Variants in ENPP3 observed in about 807,000 individuals in gnomAD.
ENPP3 encodes ectonucleotide pyrophosphatase/phosphodiesterase 3.
Under a neutral mutation model 117.8 loss-of-function variants are expected in ENPP3, and 104 were observed. The observed-to-expected ratio is 0.88, with a 90% CI of 0.75 to 1.04. The LOEUF (loss-of-function observed/expected upper bound fraction) is 1.04. ENPP3 is among the 50% of genes least tolerant of loss of function. ENPP3 has a pLI of 0.00. For missense variants in ENPP3, 1,026 were observed against 1,051.9 expected (o/e 0.98, Z 0.34); for synonymous variants, 380 against 349.9 (o/e 1.09, Z -0.96).
At chr6:131,668,204 G>A (rs988251366) in intron 6 of ENPP3, among the ~76,000 whole-genome samples, 4 of 135,250 alleles carry the variant, frequency 3.0e-5, no homozygotes, top group African/African-American at 1.1e-4. Flanking sequence ...GTCTCGCTCT[G>A]CGTTTTTTTT....
intron 15 of ENPP3, among the ~76,000 whole-genome samples, chr6:131,712,462 T>C (rs1779809792): frequency 1.4e-5 from 2 of 142,222 alleles, no homozygotes; most frequent in South Asian, 2.2e-4. Context: ...CCTAAGAGAA[T>C]TTTTAGAGTC....
At chr6:131,685,290 A>G (rs2114426049) in intron 12 of ENPP3, 74 bp from the exon 13 acceptor site, 2 of 1,273,890 alleles carry the variant, frequency 1.6e-6, no homozygotes, top group Non-Finnish European at 2.2e-6. Flanking sequence ...AATGTCTTCT[A>G]TTTGACAAGA....
At chr6:131,710,198 G>A (rs759787693) in intron 15 of ENPP3, 28 of 1,608,340 alleles carry the variant, frequency 1.7e-5, no homozygotes, top group South Asian at 5.5e-5. Context: ...TTCATCATTG[G>A]CAAGTGTCCA....
At chr6:131,726,677 C>T (rs983440683) in intron 20 of ENPP3, among the ~76,000 whole-genome samples, 1 of 151,406 alleles carries the variant, frequency 6.6e-6, no homozygotes, top group Non-Finnish European at 1.5e-5. Flanking sequence ...TCTGAAGGAT[C>T]TGGCACTCCA....
chr6:131,698,200 A>C (rs1779451980), intron 15 of ENPP3, among the ~76,000 whole-genome samples: 1 of 151,922 alleles, frequency 6.6e-6, no homozygotes, highest in Non-Finnish European at 1.5e-5. Flanking sequence ...GGCTTATTAG[A>C]ACCTACCTGA....
Position 131,724,239 on chromosome 6 carries a change from A to T in ENPP3, c.1798+148A>T, listed in dbSNP as rs574510466. ...ATATACAAAAGGTAAAAAAAAAAAA[A>T]CTCACAACAGATATAATGACAACAG... On this transcript the variant is annotated intron_variant, in intron 19 of 24. Coordinates refer to ENST00000357639, the MANE Select transcript of ENPP3 (RefSeq NM_005021.5). The T allele has an allele frequency of 1.9e-5, 11 of 585,500 alleles. 1 individual carries two copies. The highest frequency in any genetic ancestry group is 2.9e-6 in the Non-Finnish European group (1 of 345,926). The allele number at this position is 585,500 out of a possible 1,614,324, so 36.3% of individuals were successfully genotyped here. A position where few individuals can be genotyped will look rare whatever the true frequency, so the allele number is the denominator to read the frequency against.
chr6:131,643,943 CTGTG>C (rs60828787), intron 2 of ENPP3, among the ~76,000 whole-genome samples: 2,277 of 143,040 alleles, frequency 0.016, 23 homozygotes, highest in Middle Eastern at 0.054. Flanking sequence ...GTGTGTGTGT[CTGTG>C]TGTGTGTGTG....
chr6:131,709,673 G>C (rs2114497482), intron 15 of ENPP3: 1 of 1,613,092 alleles, frequency 6.2e-7, no homozygotes, highest in South Asian at 1.1e-5. Context: ...TGATAAAAAT[G>C]AACAGTTCTC....
intron 6 of ENPP3, among the ~76,000 whole-genome samples, chr6:131,665,837 C>T (rs1778605565): frequency 6.6e-6 from 1 of 151,950 alleles, no homozygotes; most frequent in African/African-American, 2.4e-5. Context: ...GTTCTTCTTT[C>T]TTAATGTAGG....
chr6:131,713,632 T>C (rs1398035288), intron 15 of ENPP3, among the ~76,000 whole-genome samples: 1 of 151,680 alleles, frequency 6.6e-6, no homozygotes, highest in Admixed American at 6.6e-5. Flanking sequence ...TGATCATTAG[T>C]GTGGTTTATT....
intron 23 of ENPP3, among the ~76,000 whole-genome samples, chr6:131,739,495 G>T (rs1052533280): frequency 7.9e-5 from 12 of 152,046 alleles, no homozygotes; most frequent in African/African-American, 2.2e-4. Flanking sequence ...TGGAATCTGG[G>T]CTCCTTCATT....
rs1272209648 is a variant in ENPP3 at position 131,671,318 on chromosome 6, C to T, written c.633C>T (p.Thr211=). 1.3e-6 allele frequency: 2 copies of T among 1,593,270 alleles called. No individual in the cohort carries two copies. The highest frequency in any genetic ancestry group is 1.7e-4 in the Middle Eastern group (1 of 6,050). ...CCAAAACCTTCCCAAATCATTACACCATTGTCACGGTAAGTGCTTGACCCA... is the reference window on the plus strand; with the variant it reads ...CCAAAACCTTCCCAAATCATTACACTATTGTCACGGTAAGTGCTTGACCCA... ...YPTKTFPNHY[T]IVTGLYPESH... Residue 211 remains threonine, a synonymous_variant, in exon 7 of 25, where the codon ACC becomes ACT. Coordinates refer to ENST00000357639, the MANE Select transcript of ENPP3 (RefSeq NM_005021.5).
intron 20 of ENPP3, among the ~76,000 whole-genome samples, chr6:131,732,115 C>T (rs765766426): frequency 7.9e-5 from 12 of 152,176 alleles, no homozygotes; most frequent in Admixed American, 2.0e-4. Flanking sequence ...GCTTTCAGCA[C>T]AATGCAGTGA....
intron 15 of ENPP3, among the ~76,000 whole-genome samples, chr6:131,694,426 C>A (rs756107210): frequency 3.3e-5 from 5 of 152,160 alleles, no homozygotes; most frequent in Admixed American, 1.3e-4. Flanking sequence ...GTATTTCATA[C>A]CAGCACTTTT....
chr6:131,724,600 CTCT>C (rs1353819597), intron 19 of ENPP3, among the ~76,000 whole-genome samples: 41 of 152,198 alleles, frequency 2.7e-4, no homozygotes, highest in African/African-American at 9.7e-4. Flanking sequence ...ATTAAACTCA[CTCT>C]GTTTCAGTTT....
At chr6:131,645,332 C>A (rs1378304526) in intron 2 of ENPP3, among the ~76,000 whole-genome samples, 5 of 152,238 alleles carry the variant, frequency 3.3e-5, no homozygotes, top group African/African-American at 1.2e-4. Flanking sequence ...CTTCAACTTA[C>A]CTCTCCACCA....
chr6:131,722,257 A>G lies in ENPP3; in HGVS notation c.1598A>G (p.Asn533Ser). The change falls in exon 18 of 25, where the codon AAT (asparagine) becomes AGT (serine). Residue 533 changes from asparagine to serine, a missense_variant. Physicochemically the swap from Asn to Ser is conservative, Grantham distance 46. Transcript: ENST00000357639. ...DLLRIQPAPN[N>S]GTHGSLNHLL... ...CTACGCATTCAACCAGCACCAAACA[A>G]TGGAACCCATGGTAGTTTAAACCAT... The G allele has an allele frequency of 6.2e-7, 1 of 1,613,898 alleles. No homozygotes were observed. Among genetic ancestry groups the G allele is most frequent in the Non-Finnish European group, 8.5e-7 (1 of 1,179,906 alleles).
chr6:131,645,538 C>T (rs1778136872), intron 2 of ENPP3, among the ~76,000 whole-genome samples: 1 of 152,142 alleles, frequency 6.6e-6, no homozygotes, highest in Admixed American at 6.5e-5. Flanking sequence ...TCTCTTTCTT[C>T]TTGTTTCATT....
chr6:131,674,337 G>GGA (rs1165552507), intron 8 of ENPP3, 56 bp downstream of exon 8: 2 of 1,556,362 alleles, frequency 1.3e-6, no homozygotes, highest in Non-Finnish European at 1.8e-6. Flanking sequence ...CAGTGTGACA[G>GGA]GAGGACACTC....
Sources: gnomAD v4.1 joint callset for allele counts (sites outside exome capture counted in the v4.1 genomes callset) on GRCh38, gnomAD v4.1.1 for gene constraint, MANE v1.5 for transcripts, NCBI Gene and HGNC (gene_info 2026-07-23, HGNC 2026-07-21) for gene names.